Variants in AGT observed in about 807,000 individuals in gnomAD.
AGT encodes the protein angiotensinogen, also known as alpha-1 antiproteinase, antitrypsin.
A neutral mutation model predicts 28.1 loss-of-function variants in AGT; 26 were observed. That is an observed-to-expected ratio of 0.92 (90% confidence interval 0.68 to 1.28). The LOEUF is 1.28. Ranked by LOEUF, AGT falls within the 50% of genes most tolerant of loss-of-function variation. AGT has a pLI of 0.00. For synonymous variants in AGT, 259 were observed against 259.6 expected (o/e 1.00, Z 0.02); for missense variants, 596 against 592.3 (o/e 1.01, Z -0.06).
chr1:230,739,436 T>G (rs1664206750), intron 1 of AGT, among the ~76,000 whole-genome samples: 1 of 152,174 alleles, frequency 6.6e-6, no homozygotes, highest in East Asian at 1.9e-4. Flanking sequence ...GGTGTTGCCC[T>G]GAGCAGGGCA....
chr1:230,705,832 C>T, intron 3 of AGT, 101 bp downstream of exon 3: 4 of 1,501,854 alleles, frequency 2.7e-6, no homozygotes, highest in Admixed American at 1.7e-5. Context: ...CCCTGCTCTG[C>T]ACCCAAGGCT....
At chr1:230,717,103 T>C (rs1303415939), upstream of AGT, among the ~76,000 whole-genome samples, 1 of 145,386 alleles carries the variant, frequency 6.9e-6, no homozygotes, top group African/African-American at 2.5e-5. Context: ...CATGTTTTTG[T>C]GAGCTCCAGG....
intron 3 of AGT, among the ~76,000 whole-genome samples, chr1:230,705,403 T>C (rs1663352747): frequency 6.6e-6 from 1 of 152,146 alleles, no homozygotes; most frequent in Admixed American, 6.5e-5. Flanking sequence ...CAGGGCTCTG[T>C]GGAAAGGAAT....
chr1:230,713,937 A>T (rs1415616682), intron 1 of AGT, 149 bp downstream of exon 1: 1 of 152,176 alleles, frequency 6.6e-6, no homozygotes, highest in Non-Finnish European at 1.5e-5. Flanking sequence ...AGTGGGGGAA[A>T]GCCCGCGTCC....
chr1:230,710,162 TAG>T lies in AGT; in HGVS notation c.660_661del (p.Thr222ProfsTer18). ...AGAGCGTGGGAGGACCACAGGGGTATAGAGAGCCAGGCCCTGCACAAACGGCT... is the reference window on the plus strand; with the variant it reads ...AGAGCGTGGGAGGACCACAGGGGTATAGAGCCAGGCCCTGCACAAACGGCT... On this transcript the variant is annotated frameshift_variant, in exon 2 of 5. Transcript: ENST00000366667. LOFTEE classifies it high-confidence loss of function. The T allele has an allele frequency of 6.2e-7, 1 of 1,614,074 alleles. No homozygotes were observed. Among genetic ancestry groups the T allele is most frequent in the East Asian group, 2.2e-5 (1 of 44,880 alleles).
At chr1:230,706,301 G>T in intron 2 of AGT, 101 bp from the exon 3 acceptor site, 1 of 1,366,168 alleles carries the variant, frequency 7.3e-7, no homozygotes, top group East Asian at 2.5e-5. Flanking sequence ...CCCTCGCCCT[G>T]CCTCAGCCTC....
In AGT at chr1:230,710,082, C is replaced by A; in HGVS notation, c.742G>T (p.Ala248Ser). 1 of 1,614,204 alleles carries A rather than the reference C, an allele frequency of 6.2e-7. No individual in the cohort carries two copies. The highest frequency in any genetic ancestry group is 8.5e-7 in the Non-Finnish European group (1 of 1,180,034). The change falls in exon 2 of 5, where the codon GCT becomes TCT. Residue 248 changes from alanine to serine, a missense_variant. Physicochemically the swap from Ala to Ser is moderately conservative, Grantham distance 99. Coordinates refer to ENST00000366667, the MANE Select transcript of AGT (RefSeq NM_001384479.1). ...AAEKIDRFMQAVTGWKTGCSL... is the reference protein window; with the variant it reads ...AAEKIDRFMQSVTGWKTGCSL... ...CAGCCAGTCTTCCATCCTGTCACAGCCTGCATGAACCTGTCAATCTTCTCA... is the reference window on the plus strand; with the variant it reads ...CAGCCAGTCTTCCATCCTGTCACAGACTGCATGAACCTGTCAATCTTCTCA...
intron 1 of AGT, among the ~76,000 whole-genome samples, chr1:230,734,753 A>C (rs976359640): frequency 2.8e-4 from 43 of 151,980 alleles, no homozygotes; most frequent in African/African-American, 9.7e-4. Flanking sequence ...TCTGTCGCCC[A>C]GGCTGGAGTG....
At chr1:230,740,515 C>T (rs1046399606) in intron 1 of AGT, among the ~76,000 whole-genome samples, 2 of 152,062 alleles carry the variant, frequency 1.3e-5, no homozygotes, top group Non-Finnish European at 2.9e-5. Flanking sequence ...TGCTAGTTTA[C>T]AGAGACAGAA....
At chr1:230,706,256 T>G in intron 2 of AGT, 56 bp from the exon 3 acceptor site, 1 of 1,590,570 alleles carries the variant, frequency 6.3e-7, no homozygotes, top group Non-Finnish European at 8.6e-7. Flanking sequence ...GGGGCAGGAA[T>G]GAGGGCTGGC....
chr1:230,736,921 C>T (rs1012746963), intron 1 of AGT, among the ~76,000 whole-genome samples: 2 of 152,130 alleles, frequency 1.3e-5, no homozygotes, highest in African/African-American at 2.4e-5. Flanking sequence ...TTCTGTGAAT[C>T]GGAAGCTCTG....
intron 1 of AGT, among the ~76,000 whole-genome samples, chr1:230,711,925 T>G (rs996202493): frequency 6.6e-6 from 1 of 152,190 alleles, no homozygotes; most frequent in African/African-American, 2.4e-5. Context: ...CTCAAAGGCC[T>G]TGCAGCTGGG....
chr1:230,738,791 T>C (rs1396038127), intron 1 of AGT, among the ~76,000 whole-genome samples: 4 of 152,352 alleles, frequency 2.6e-5, no homozygotes, highest in East Asian at 1.9e-4. Context: ...TTCAATTAGA[T>C]GTATGTCCCA....
At chr1:230,717,528 C>A (rs983580197), upstream of AGT, among the ~76,000 whole-genome samples, 2 of 152,074 alleles carry the variant, frequency 1.3e-5, no homozygotes, top group Admixed American at 6.5e-5. Flanking sequence ...CCATTTTTTG[C>A]CTCTGAGCCA....
rs139685563 is a variant in AGT, at chr1:230,706,171, C to T, written c.859G>A (p.Glu287Lys). ...GKMKGFSLLA[E>K]PQEFWVDNST... ...TTGTCCACCCAGAACTCCTGGGGCT[C>T]GGCCAGCAGGGAGAAGCCCTTCATC... Residue 287 changes from glutamate to lysine, a missense_variant, in exon 3 of 5, where the codon GAG becomes AAG. Coordinates refer to ENST00000366667, the MANE Select transcript of AGT (RefSeq NM_001384479.1). The T allele has an allele frequency of 3.3e-4, 538 of 1,613,820 alleles. 2 individuals carry two copies. The highest frequency in any genetic ancestry group is 8.3e-4 in the Middle Eastern group (5 of 6,048).
chr1:230,703,496 G>A (rs1228553861), intron 4 of AGT, among the ~76,000 whole-genome samples, 167 bp from the exon 5 acceptor site: 2 of 152,216 alleles, frequency 1.3e-5, no homozygotes, highest in African/African-American at 4.8e-5. Context: ...CTGCCCCTCA[G>A]TGTAGGCAAG....
chr1:230,723,582 G>T (rs1217312097), intron 1 of AGT, among the ~76,000 whole-genome samples: 2 of 152,174 alleles, frequency 1.3e-5, no homozygotes, highest in African/African-American at 2.4e-5. Flanking sequence ...ATACCCAGAT[G>T]AGGCTAGTAA....
At chr1:230,744,674 T>C (rs1664309407) in intron 1 of AGT, among the ~76,000 whole-genome samples, 2 of 152,072 alleles carry the variant, frequency 1.3e-5, no homozygotes, top group African/African-American at 4.8e-5. Flanking sequence ...ATACTAAGAC[T>C]CTAAAGAAAA....
intron 2 of AGT, among the ~76,000 whole-genome samples, chr1:230,707,882 A>G (rs1042753270): frequency 6.6e-6 from 1 of 152,162 alleles, no homozygotes. Flanking sequence ...GGTGTCATGG[A>G]AACCACCAGG....
Sources: gnomAD v4.1 joint callset for allele counts (sites outside exome capture counted in the v4.1 genomes callset) on GRCh38, gnomAD v4.1.1 for gene constraint, MANE v1.5 for transcripts, NCBI Gene and HGNC (gene_info 2026-07-23, HGNC 2026-07-21) for gene names.